The following PKP2 variants were observed in gnomAD, a reference collection of about 807,000 sequenced individuals.
The protein encoded by PKP2 is plakophilin 2.
Under a neutral mutation model 83.4 loss-of-function variants are expected in PKP2, and 73 were observed. The observed-to-expected ratio is 0.88, with a 90% CI of 0.72 to 1.06. PKP2 has a LOEUF of 1.06. Among genes scored for constraint, PKP2 ranks in the 50% least tolerant of loss-of-function variants. PKP2 has a pLI of 0.00. For missense variants in PKP2, 966 were observed against 1,065.4 expected, an observed-to-expected ratio of 0.91 and a Z score of 1.30; for synonymous variants, 409 against 430.4, an observed-to-expected ratio of 0.95 and a Z score of 0.62.
chr12:32,845,109 A>G (rs1592748240), intron 5 of PKP2, among the ~76,000 whole-genome samples: 2 of 152,298 alleles, frequency 1.3e-5, no homozygotes, highest in East Asian at 3.9e-4. Flanking sequence ...AAAGAAAGGG[A>G]TCTGGACTCT....
intron 6 of PKP2, among the ~76,000 whole-genome samples, chr12:32,833,769 G>T (rs1407290452): frequency 6.6e-6 from 1 of 152,140 alleles, no homozygotes; most frequent in African/African-American, 2.4e-5. Context: ...TCTTTAACCA[G>T]CATACACAGG....
chr12:32,842,986 T>C (rs929750548), intron 5 of PKP2, among the ~76,000 whole-genome samples: 20 of 134,634 alleles, frequency 1.5e-4, no homozygotes, highest in Non-Finnish European at 5.0e-5. Flanking sequence ...CAATTCCTAC[T>C]TTTTTTTTTT....
rs913613917 is a variant in PKP2 at position 32,792,626 on chromosome 12, C to T, written c.2445+18G>A. The T allele has an allele frequency of 1.9e-6, 3 of 1,606,162 alleles. No individual in the cohort carries two copies. Among genetic ancestry groups the T allele is most frequent in the African/African-American group, 1.3e-5 (1 of 74,738 alleles). ...CTGGCTCTGTTAACTATGACACATT[C>T]CTTGTTCATGTTCTTACCTTCTTGT... On this transcript the variant is annotated intron_variant, in intron 12 of 12. Transcript: ENST00000340811.
At chr12:32,793,788 G>A (rs1956096098) in intron 11 of PKP2, among the ~76,000 whole-genome samples, 4 of 151,742 alleles carry the variant, frequency 2.6e-5, no homozygotes, top group African/African-American at 9.7e-5. Context: ...GTAGAGATGG[G>A]GTTTCACTGT....
intron 9 of PKP2, among the ~76,000 whole-genome samples, chr12:32,811,335 T>C (rs936205582): frequency 2.6e-5 from 4 of 152,250 alleles, no homozygotes; most frequent in Non-Finnish European, 5.9e-5. Context: ...GTCAGTGTCT[T>C]TCTGAGGCAA....
At chr12:32,857,675 G>A (rs1956761550) in intron 4 of PKP2, among the ~76,000 whole-genome samples, 1 of 152,002 alleles carries the variant, frequency 6.6e-6, no homozygotes, top group African/African-American at 2.4e-5. Context: ...GATTTTCTAT[G>A]AAGCATATAC....
chr12:32,824,277 A>G (rs1342040108), intron 6 of PKP2, 115 bp from the exon 7 acceptor site: 3 of 768,142 alleles, frequency 3.9e-6, no homozygotes, highest in South Asian at 2.8e-5. Context: ...GCAAATTTGT[A>G]AAAGTGTGGC....
At chr12:32,839,348 C>T (rs1592745528) in intron 6 of PKP2, among the ~76,000 whole-genome samples, 1 of 149,414 alleles carries the variant, frequency 6.7e-6, no homozygotes, top group Non-Finnish European at 1.5e-5. Flanking sequence ...CTGTGATTGG[C>T]ACAATCATTT....
intron 4 of PKP2, among the ~76,000 whole-genome samples, chr12:32,854,271 A>C (rs1956726240): frequency 6.6e-6 from 1 of 152,208 alleles, no homozygotes. Context: ...CTTGGCTTTC[A>C]GCACTTGCTC....
Position 32,792,507 on chromosome 12 carries a change from A to G in PKP2, c.2446-15T>C. On this transcript the variant is annotated splice_polypyrimidine_tract_variant and intron_variant, in intron 12 of 12. Transcript: ENST00000340811. ...TTAAACTGAGCCTTTGGAATAAGCA[A>G]ACAGAAACGTGAAAGGTAACAAAAC... The G allele has an allele frequency of 6.2e-7, 1 of 1,611,296 alleles. No homozygotes were observed. Among genetic ancestry groups the G allele is most frequent in the Non-Finnish European group, 8.5e-7 (1 of 1,177,428 alleles).
chr12:32,889,130 C>T (rs760435235), intron 1 of PKP2, among the ~76,000 whole-genome samples: 11 of 151,998 alleles, frequency 7.2e-5, no homozygotes, highest in Non-Finnish European at 8.8e-5. Context: ...CACAACTGAA[C>T]TAAGTTAACT....
chr12:32,830,201 T>A (rs150447080), intron 6 of PKP2, among the ~76,000 whole-genome samples: 1 of 152,332 alleles, frequency 6.6e-6, no homozygotes, highest in African/African-American at 2.4e-5. Context: ...TCCTTCTTCC[T>A]CTTGTTATTT....
chr12:32,862,160 G>T (rs943189369), intron 4 of PKP2, among the ~76,000 whole-genome samples: 6 of 152,222 alleles, frequency 3.9e-5, no homozygotes, highest in African/African-American at 1.4e-4. Flanking sequence ...GTCCTCCAAA[G>T]GGCTGGGATT....
intron 3 of PKP2, among the ~76,000 whole-genome samples, chr12:32,876,933 G>T (rs1956938197): frequency 6.6e-6 from 1 of 152,188 alleles, no homozygotes; most frequent in Admixed American, 6.5e-5. Flanking sequence ...AATATTTCCT[G>T]TGTTAAGATT....
At chr12:32,807,560 T>C (rs1354305204) in intron 9 of PKP2, among the ~76,000 whole-genome samples, 1 of 152,196 alleles carries the variant, frequency 6.6e-6, no homozygotes, top group Non-Finnish European at 1.5e-5. Context: ...GTGAATTTGA[T>C]TCTGTCATCA....
chr12:32,863,360 C>T, intron 4 of PKP2: 1 of 256,428 alleles, frequency 3.9e-6, no homozygotes, highest in East Asian at 1.1e-4. Context: ...ATGGTTTGTG[C>T]CAAATTCCGA....
chr12:32,829,260 A>C (rs1038444414), intron 6 of PKP2, among the ~76,000 whole-genome samples: 2 of 138,482 alleles, frequency 1.4e-5, no homozygotes, highest in Non-Finnish European at 3.1e-5. Context: ...ATTTTTTCTT[A>C]TTTTTTTTTT....
chr12:32,851,111 G>C (rs1212481543), intron 4 of PKP2, 138 bp from the exon 5 acceptor site: 2 of 727,678 alleles, frequency 2.7e-6, no homozygotes, highest in Non-Finnish European at 4.8e-6. Flanking sequence ...GCACAACTGA[G>C]GCTCTTGTAG....
intron 1 of PKP2, among the ~76,000 whole-genome samples, chr12:32,883,584 A>C (rs1183703532): frequency 2.0e-5 from 3 of 152,236 alleles, no homozygotes; most frequent in Non-Finnish European, 4.4e-5. Flanking sequence ...AAACAAATCC[A>C]ACATGAAAAT....
Sources: allele counts gnomAD v4.1 joint callset (sites outside exome capture counted in the v4.1 genomes callset), GRCh38; gene constraint gnomAD v4.1.1; transcripts MANE v1.5; gene names NCBI Gene and HGNC (gene_info 2026-07-23, HGNC 2026-07-21).